Variants in MTUS2 observed in about 807,000 individuals in gnomAD.
MTUS2 encodes the protein microtubule associated scaffold protein 2.
In MTUS2, 40 loss-of-function variants were observed where a neutral mutation model predicts 114.1. The observed-to-expected ratio is 0.35, with a 90% CI of 0.27 to 0.46. The LOEUF (loss-of-function observed/expected upper bound fraction) is 0.46. Among genes scored for constraint, MTUS2 ranks in the 20% least tolerant of loss-of-function variants. The pLI is 1.00. For missense variants in MTUS2, 1,679 were observed against 1,705.4 expected (o/e 0.98, Z 0.27); for synonymous variants, 688 against 672.0 (o/e 1.02, Z -0.37).
intron 8 of MTUS2, among the ~76,000 whole-genome samples, chr13:29,389,430 CGTGT>C (rs1251931137): frequency 7.0e-5 from 7 of 100,208 alleles, no homozygotes; most frequent in African/African-American, 3.0e-4. Context: ...TATGTATACA[CGTGT>C]GTGTATGTGT....
At position 29,100,904 on chromosome 13, in the gene MTUS2, G is replaced by A. The variant is rs371813246; in HGVS notation, c.2578G>A (p.Val860Ile). 1.2e-4 allele frequency: 194 copies of A among 1,572,548 alleles called. No homozygotes were observed. Among genetic ancestry groups the A allele is most frequent in the Middle Eastern group, 5.0e-4 (3 of 6,024 alleles). ...ATTTGGCTTTGTCCGGAGCTCCAGC[G>A]TCTCCTCAGTCTCCAGCACCCAGTC... is the stretch of plus-strand genomic sequence containing the variant. ...AAFGFVRSSS[V>I]SSVSSTQSGD... is the part of the protein sequence containing the mutation. Residue 860 changes from valine (V) to isoleucine (I), a missense_variant, in exon 5 of 16, where the codon GTC becomes ATC. Physicochemically the swap from Val to Ile is conservative, Grantham distance 29. Around this residue, in one of 3 missense-constraint regions of MTUS2, gnomAD observed 822 missense variants for 899.7 expected, o/e 0.91. Transcript: ENST00000612955.
chr13:28,956,060 C>T (rs868802481), intron 2 of MTUS2, among the ~76,000 whole-genome samples: 1 of 148,292 alleles, frequency 6.7e-6, no homozygotes, highest in East Asian at 2.1e-4. Context: ...TCTTGCCCCC[C>T]CCCATCCTTT....
At position 29,100,962 on chromosome 13, in the gene MTUS2, C is replaced by T. The variant is rs578001071; in HGVS notation, c.2636C>T (p.Pro879Leu). 2.8e-5 allele frequency: 43 copies of T among 1,561,558 alleles called. 1 individual carries two copies. The Admixed American group carries it at 3.6e-4, about 13-fold the overall frequency. ...AGTGCACAGCCAGAGCAGGGCCGGC[C>T]AGCCACCCGTAAGTGGGGTGGGGCA... ...GDSAQPEQGR[P>L]ATRSTFGNEE... Residue 879 changes from proline to leucine, a missense_variant, in exon 5 of 16, where the codon CCA becomes CTA. Physicochemically the swap from Pro to Leu is moderately conservative, Grantham distance 98. Around this residue, in one of 3 missense-constraint regions of MTUS2, gnomAD observed 822 missense variants for 899.7 expected, o/e 0.91. Transcript: ENST00000612955.
intron 2 of MTUS2, among the ~76,000 whole-genome samples, chr13:28,987,148 C>T (rs1242658832): frequency 6.6e-6 from 1 of 152,228 alleles, no homozygotes. Flanking sequence ...TCCTGGAGCT[C>T]TGGACTCGTC....
chr13:28,889,992 G>A (rs963977113), intron 2 of MTUS2, among the ~76,000 whole-genome samples: 1 of 152,190 alleles, frequency 6.6e-6, no homozygotes, highest in Non-Finnish European at 1.5e-5. Flanking sequence ...GCATTCCAGT[G>A]TTTGTTTTGG....
At chr13:29,272,068 T>G (rs889381392) in intron 5 of MTUS2, among the ~76,000 whole-genome samples, 2 of 152,222 alleles carry the variant, frequency 1.3e-5, no homozygotes, top group African/African-American at 4.8e-5. Flanking sequence ...GAAAAAGAAA[T>G]AAATAGCTTT....
Position 29,324,679 on chromosome 13 carries a change from T to C in MTUS2, c.2873T>C (p.Val958Ala). 6.3e-7 allele frequency: 1 copy of C among 1,599,408 alleles called. No homozygotes were observed. The highest frequency in any genetic ancestry group is 1.1e-5 in the South Asian group (1 of 87,716). ...CCTGCTGTTTCATCTCCTAAGAGAG[T>C]AGCAGCTTCAACCACCAAGCTTCAT... ...NKPAVSSPKR[V>A]AASTTKLHSP... is the part of the protein sequence containing the mutation. The change falls in exon 7 of 16, where the codon GTA becomes GCA. Residue 958 changes from valine (V) to alanine (A), a missense_variant. Val to Ala is a moderately conservative substitution (Grantham distance 64). Transcript: ENST00000612955.
At chr13:29,014,456 G>GTAC (rs1190843449) in intron 2 of MTUS2, among the ~76,000 whole-genome samples, 6 of 152,218 alleles carry the variant, frequency 3.9e-5, no homozygotes, top group African/African-American at 1.4e-4. Flanking sequence ...AGTGCATGGA[G>GTAC]TACTAGCCTG....
chr13:29,009,202 G>A (rs1239379528), intron 2 of MTUS2, among the ~76,000 whole-genome samples: 1 of 151,602 alleles, frequency 6.6e-6, no homozygotes, highest in African/African-American at 2.4e-5. Flanking sequence ...AAATTACTTG[G>A]AATTTAAAAA....
intron 6 of MTUS2, 103 bp from the exon 7 acceptor site, chr13:29,324,510 A>T: frequency 1.3e-6 from 1 of 748,722 alleles, no homozygotes; most frequent in Admixed American, 2.5e-5. Flanking sequence ...TCTTTTGTTG[A>T]TATGTTTGAC....
intron 8 of MTUS2, among the ~76,000 whole-genome samples, chr13:29,420,145 C>T (rs564495639): frequency 9.9e-5 from 15 of 152,110 alleles, no homozygotes; most frequent in Non-Finnish European, 1.9e-4. Flanking sequence ...AGTTAAGTAA[C>T]CTACCCAAAA....
chr13:29,341,072 C>G (rs1901368702), intron 7 of MTUS2, among the ~76,000 whole-genome samples: 1 of 152,150 alleles, frequency 6.6e-6, no homozygotes, highest in African/African-American at 2.4e-5. Context: ...TGGGCTGATT[C>G]CATATTTTTG....
chr13:28,968,358 C>T (rs1011838534), intron 2 of MTUS2, among the ~76,000 whole-genome samples: 10 of 152,000 alleles, frequency 6.6e-5, no homozygotes, highest in South Asian at 2.1e-4. Flanking sequence ...ATTCTGTTTC[C>T]CTACCTTGGC....
At chr13:29,022,373 A>G (rs9550433) in intron 2 of MTUS2, among the ~76,000 whole-genome samples, 6,713 of 152,238 alleles carry the variant, frequency 0.044, 252 homozygotes, top group East Asian at 0.11. Context: ...TGTAACATAT[A>G]CATTTTATTA....
intron 7 of MTUS2, among the ~76,000 whole-genome samples, chr13:29,334,956 C>T (rs914220090): frequency 1.1e-4 from 17 of 152,134 alleles, no homozygotes; most frequent in Admixed American, 7.2e-4. Context: ...GTGATGATGG[C>T]GTTAACTGCA....
chr13:29,365,239 T>C (rs747142116), intron 8 of MTUS2, among the ~76,000 whole-genome samples: 2 of 152,170 alleles, frequency 1.3e-5, no homozygotes, highest in African/African-American at 2.4e-5. Context: ...AGCAGCTCTT[T>C]GAAGTAATAA....
intron 2 of MTUS2, among the ~76,000 whole-genome samples, chr13:28,926,352 T>C (rs1325915269): frequency 6.6e-6 from 1 of 151,094 alleles, no homozygotes; most frequent in African/African-American, 2.5e-5. Context: ...TTTCTGGTTG[T>C]TAAATGAGGT....
At chr13:29,277,073 T>C (rs966487612) in intron 5 of MTUS2, among the ~76,000 whole-genome samples, 1 of 152,196 alleles carries the variant, frequency 6.6e-6, no homozygotes, top group Non-Finnish European at 1.5e-5. Context: ...CATTTCTGCA[T>C]GTCTTCTAAA....
intron 11 of MTUS2, among the ~76,000 whole-genome samples, chr13:29,491,675 T>G (rs1307826340): frequency 3.7e-5 from 5 of 135,906 alleles, no homozygotes; most frequent in Admixed American, 7.2e-5. Context: ...TATGCGATTG[T>G]GTGTGGTGTG....
Sources: allele counts gnomAD v4.1 joint callset (sites outside exome capture counted in the v4.1 genomes callset), GRCh38; gene constraint gnomAD v4.1.1; regional missense constraint gnomAD v4.1.1; transcripts MANE v1.5; gene names NCBI Gene and HGNC (gene_info 2026-07-23, HGNC 2026-07-21).